Variants in CSMD1 observed in about 807,000 individuals in gnomAD.
CSMD1 encodes the protein CUB and Sushi multiple domains 1, also known as CUB and sushi domain-containing protein 1.
CSMD1 carries 213 observed loss-of-function variants against 417.5 expected under a neutral mutation model. The observed-to-expected ratio is 0.51, with a 90% CI of 0.46 to 0.57. The LOEUF is 0.57. Ranked by LOEUF, CSMD1 falls within the 20% of genes least tolerant of loss-of-function variation. The probability of loss-of-function intolerance (pLI) is 0.00; values close to 1 mark genes in which losing one functional copy is unlikely to be tolerated. For missense variants in CSMD1, 6,923 were observed against 4,529.7 expected (o/e 1.53, Z -15.17); for synonymous variants, 2,862 against 1,736.8 (o/e 1.65, Z -16.11).
At chr8:4,844,045 TG>T (rs1311040246) in intron 1 of CSMD1, among the ~76,000 whole-genome samples, 2 of 152,214 alleles carry the variant, frequency 1.3e-5, no homozygotes, top group Non-Finnish European at 2.9e-5. Context: ...GGTCACTGCA[TG>T]CATGTTAAAT....
chr8:4,088,097 A>G (rs938704303), intron 3 of CSMD1, among the ~76,000 whole-genome samples: 3 of 152,226 alleles, frequency 2.0e-5, no homozygotes, highest in Admixed American at 1.3e-4. Context: ...CCACAAAAGG[A>G]GAAAGAGGAA....
intron 3 of CSMD1, among the ~76,000 whole-genome samples, chr8:4,073,650 A>C (rs897451916): frequency 2.0e-5 from 3 of 152,178 alleles, no homozygotes; most frequent in Non-Finnish European, 4.4e-5. Context: ...ATTCTGGGGA[A>C]TAATTCTCTG....
intron 11 of CSMD1, among the ~76,000 whole-genome samples, chr8:3,473,142 A>C (rs1325051822): frequency 1.3e-5 from 2 of 152,210 alleles, no homozygotes; most frequent in Non-Finnish European, 2.9e-5. Context: ...TACTTTAGAC[A>C]TACCTCTCAG....
intron 3 of CSMD1, among the ~76,000 whole-genome samples, chr8:4,348,441 A>G (rs1286642202): frequency 6.6e-6 from 1 of 152,110 alleles, no homozygotes; most frequent in Non-Finnish European, 1.5e-5. Context: ...TCAGAATATT[A>G]GGCCTTTCTG....
intron 3 of CSMD1, among the ~76,000 whole-genome samples, chr8:4,103,965 C>A (rs780116756): frequency 6.6e-6 from 1 of 152,204 alleles, no homozygotes; most frequent in East Asian, 1.9e-4. Context: ...GTGCTGCAGA[C>A]GCGTGAGCTC....
chr8:3,523,282 A>G (rs1797591063), intron 10 of CSMD1, among the ~76,000 whole-genome samples: 1 of 150,758 alleles, frequency 6.6e-6, no homozygotes. Context: ...CCTACATAAG[A>G]ATAACCTATT....
chr8:3,944,990 C>T (rs1305552540), intron 5 of CSMD1, among the ~76,000 whole-genome samples: 19 of 152,188 alleles, frequency 1.2e-4, no homozygotes, highest in African/African-American at 4.3e-4. Flanking sequence ...CCATCTAATG[C>T]GGTTCACCCG....
At chr8:4,714,242 G>A (rs1033475474) in intron 1 of CSMD1, among the ~76,000 whole-genome samples, 2 of 152,112 alleles carry the variant, frequency 1.3e-5, no homozygotes, top group East Asian at 3.9e-4. Context: ...CCACCTCCCT[G>A]AGAGTCAGCA....
intron 3 of CSMD1, among the ~76,000 whole-genome samples, chr8:4,381,595 C>T (rs542961962): frequency 1.3e-5 from 2 of 152,206 alleles, no homozygotes; most frequent in South Asian, 2.1e-4. Context: ...ACCACTTCCC[C>T]TTGGTTCCCG....
chr8:3,047,008 G>A (rs76036107), intron 50 of CSMD1, among the ~76,000 whole-genome samples: 29,020 of 150,544 alleles, frequency 0.19, 3,192 homozygotes, highest in East Asian at 0.26. Context: ...AGGAGTTTGA[G>A]ACCAGCCTGG....
chr8:4,159,789 C>T (rs1584931890), intron 3 of CSMD1, among the ~76,000 whole-genome samples: 2 of 152,072 alleles, frequency 1.3e-5, no homozygotes, highest in Admixed American at 1.3e-4. Context: ...GGGGTTTCAC[C>T]GTGTTAGCCA....
At chr8:3,955,967 G>A (rs572034113) in intron 5 of CSMD1, among the ~76,000 whole-genome samples, 51 of 152,250 alleles carry the variant, frequency 3.3e-4, no homozygotes, top group Non-Finnish European at 6.6e-4. Flanking sequence ...CTAATTGTTT[G>A]TATTTTTAGT....
At chr8:3,125,022 C>T (rs930378337) in intron 41 of CSMD1, among the ~76,000 whole-genome samples, 3 of 152,060 alleles carry the variant, frequency 2.0e-5, no homozygotes, top group Non-Finnish European at 4.4e-5. Context: ...ATATTAATAC[C>T]GATATTCCCT....
At chr8:4,689,493 G>A (rs1018612493) in intron 1 of CSMD1, among the ~76,000 whole-genome samples, 3 of 152,096 alleles carry the variant, frequency 2.0e-5, no homozygotes, top group Non-Finnish European at 2.9e-5. Flanking sequence ...TCTTTATGAC[G>A]TATTTCTTGG....
chr8:3,027,423 G>T (rs1000291083), intron 51 of CSMD1, among the ~76,000 whole-genome samples: 1 of 152,186 alleles, frequency 6.6e-6, no homozygotes, highest in African/African-American at 2.4e-5. Context: ...AGAGATGTTA[G>T]AGGGACCAAA....
intron 7 of CSMD1, among the ~76,000 whole-genome samples, chr8:3,621,991 ATGTGTGTGTG>A (rs35068961): frequency 7.0e-6 from 1 of 142,990 alleles, no homozygotes; most frequent in Non-Finnish European, 1.5e-5. Flanking sequence ...GTGTGTGTGT[ATGTGTGTGTG>A]TGTGTGTGTG....
chr8:4,874,274 C>T (rs1479962358), intron 1 of CSMD1, among the ~76,000 whole-genome samples: 1 of 151,942 alleles, frequency 6.6e-6, no homozygotes, highest in East Asian at 1.9e-4. Context: ...TGCCTAAAAT[C>T]GCATTCTAAA....
Position 3,062,597 on chromosome 8 carries a change from A to G in CSMD1, c.7475-9950T>C, listed in dbSNP as rs536335470. ...CCAGCAGCTATGAAATGCAAAATTGAGGATAATAGGATTGAGCGAGAAGTA... is the reference window on the plus strand; with the variant it reads ...CCAGCAGCTATGAAATGCAAAATTGGGGATAATAGGATTGAGCGAGAAGTA... On this transcript the variant is annotated intron_variant, in intron 49 of 69. Transcript: ENST00000635120. Among the ~76,000 whole-genome samples, 5 of 152,136 alleles carry G rather than the reference A, an allele frequency of 3.3e-5. No individual in the cohort carries two copies. In the South Asian group the frequency reaches 6.2e-4, roughly 19 times the overall value.
chr8:3,511,688 G>C (rs774678111), intron 10 of CSMD1, among the ~76,000 whole-genome samples: 1 of 151,734 alleles, frequency 6.6e-6, no homozygotes, highest in African/African-American at 2.4e-5. Context: ...AACTGGGGCG[G>C]TGGAGGTTGT....
Sources: gnomAD v4.1 joint callset for allele counts (sites outside exome capture counted in the v4.1 genomes callset) on GRCh38, gnomAD v4.1.1 for gene constraint, MANE v1.5 for transcripts, NCBI Gene and HGNC (gene_info 2026-07-23, HGNC 2026-07-21) for gene names.